ADGRL2: variants seen among roughly 807,000 people sequenced by gnomAD.
ADGRL2 encodes calcium-independent alpha-latrotoxin receptor 2.
In ADGRL2, 44 loss-of-function variants were observed where a neutral mutation model predicts 157.4. The observed-to-expected ratio is 0.28, with a 90% CI of 0.22 to 0.36. ADGRL2 has a LOEUF of 0.36. ADGRL2 is among the 10% of genes least tolerant of loss of function. ADGRL2 has a pLI of 1.00. For synonymous variants in ADGRL2, 585 were observed against 624.7 expected (o/e 0.94, Z 0.95); for missense variants, 1,510 against 1,768.9 (o/e 0.85, Z 2.63).
rs922381116 is a variant in ADGRL2, at chr1:81,747,265, A to G, written c.-142-14546A>G. The stretch of plus-strand genomic sequence containing the variant: ...TATGTATATGTGTGTATATATGTAT[A>G]TGTGTATATATACATGTGCATACAT... On this transcript the variant is annotated intron_variant, in intron 1 of 20. Coordinates refer to the ADGRL2 transcript ENST00000359929. Among the ~76,000 whole-genome samples, 6 of 148,510 alleles carry G rather than the reference A, an allele frequency of 4.0e-5. No homozygotes were observed. The East Asian group carries it at 9.9e-4, about 25-fold the overall frequency.
chr1:81,677,111 A>G (rs1005828565), intron 3 of ADGRL2, among the ~76,000 whole-genome samples: 1 of 151,536 alleles, frequency 6.6e-6, no homozygotes, highest in Non-Finnish European at 1.5e-5. Flanking sequence ...TCGGCCTCCC[A>G]AGTAGCTGGG....
chr1:81,966,018 TC>T, intron 11 of ADGRL2, 39 bp from the exon 12 acceptor site: 4 of 1,605,658 alleles, frequency 2.5e-6, no homozygotes, highest in Non-Finnish European at 3.4e-6. Context: ...TCTTAAAGAA[TC>T]CTTTTTTCCC....
At chr1:81,608,309 T>A (rs1207887571) in intron 3 of ADGRL2, among the ~76,000 whole-genome samples, 6 of 152,146 alleles carry the variant, frequency 3.9e-5, no homozygotes, top group Non-Finnish European at 7.3e-5. Flanking sequence ...GCAGATGCTC[T>A]CCATGCATGA....
chr1:81,982,428 A>G (rs983214534), intron 19 of ADGRL2, among the ~76,000 whole-genome samples: 12 of 151,952 alleles, frequency 7.9e-5, no homozygotes, highest in Non-Finnish European at 1.2e-4. Flanking sequence ...CTAAAAATCA[A>G]TAATTAGTAC....
intron 2 of ADGRL2, among the ~76,000 whole-genome samples, chr1:81,551,205 T>C (rs999159105): frequency 6.6e-6 from 1 of 152,150 alleles, no homozygotes; most frequent in African/African-American, 2.4e-5. Flanking sequence ...TGATAGGAAA[T>C]GGGGCACACA....
chr1:81,715,029 C>T (rs1195118871), intron 1 of ADGRL2, among the ~76,000 whole-genome samples: 2 of 151,844 alleles, frequency 1.3e-5, no homozygotes, highest in Admixed American at 6.6e-5. Context: ...TTTTTCTGCT[C>T]TAATTTTTTC....
chr1:81,575,661 T>A (rs995943995), intron 2 of ADGRL2, among the ~76,000 whole-genome samples: 2 of 152,124 alleles, frequency 1.3e-5, no homozygotes, highest in African/African-American at 4.8e-5. Context: ...ACATACAGAT[T>A]TTTTTTGTTT....
intron 3 of ADGRL2, among the ~76,000 whole-genome samples, chr1:81,615,733 C>T (rs541057760): frequency 8.5e-5 from 13 of 152,164 alleles, no homozygotes; most frequent in African/African-American, 2.9e-4. Flanking sequence ...GTGATAGACA[C>T]TGCTCTGGAG....
chr1:81,858,761 T>C (rs2093291532), intron 2 of ADGRL2, among the ~76,000 whole-genome samples: 1 of 152,268 alleles, frequency 6.6e-6, no homozygotes, highest in South Asian at 2.1e-4. Context: ...ATTTGCAAAA[T>C]GTAAACATAA....
intron 1 of ADGRL2, among the ~76,000 whole-genome samples, chr1:81,835,931 T>C (rs1223542334): frequency 6.6e-6 from 1 of 152,142 alleles, no homozygotes; most frequent in East Asian, 1.9e-4. Flanking sequence ...TCCAATCAGG[T>C]TACATTATAA....
chr1:81,591,611 A>C (rs961513829), intron 3 of ADGRL2, among the ~76,000 whole-genome samples: 5 of 152,116 alleles, frequency 3.3e-5, no homozygotes, highest in Non-Finnish European at 5.9e-5. Flanking sequence ...ACTCCCTTAA[A>C]TATGGGCTGG....
At chr1:81,818,570 A>C (rs994419848) in intron 1 of ADGRL2, among the ~76,000 whole-genome samples, 4 of 152,142 alleles carry the variant, frequency 2.6e-5, no homozygotes, top group Non-Finnish European at 1.5e-5. Context: ...GATCCTACTT[A>C]TAAGCATATT....
intron 13 of ADGRL2, among the ~76,000 whole-genome samples, chr1:81,967,556 C>T (rs978371749): frequency 2.0e-5 from 3 of 152,062 alleles, no homozygotes; most frequent in African/African-American, 2.4e-5. Context: ...CCACCGCGCC[C>T]GGCCTATTTG....
chr1:81,962,421 A>G (rs933455135), intron 11 of ADGRL2, among the ~76,000 whole-genome samples: 2 of 152,110 alleles, frequency 1.3e-5, no homozygotes, highest in African/African-American at 4.8e-5. Context: ...TAGTTTACAG[A>G]TACTTATTCT....
At chr1:81,488,466 G>A (rs12096849) in intron 2 of ADGRL2, among the ~76,000 whole-genome samples, 13 of 151,614 alleles carry the variant, frequency 8.6e-5, no homozygotes, top group South Asian at 8.3e-4. Context: ...TTGAGAGACC[G>A]AGGCATGCAA....
chr1:81,871,342 C>A (rs150157161), intron 2 of ADGRL2, among the ~76,000 whole-genome samples: 2,390 of 152,122 alleles, frequency 0.016, 47 homozygotes, highest in African/African-American at 0.048. Context: ...CATTGATGGA[C>A]ATTTGGGTTG....
chr1:81,445,595 A>G (rs2101703915), intron 2 of ADGRL2, among the ~76,000 whole-genome samples: 1 of 152,316 alleles, frequency 6.6e-6, no homozygotes, highest in Non-Finnish European at 1.5e-5. Flanking sequence ...GTTTCTCTGA[A>G]TCATGATCAT....
chr1:81,817,918 G>A (rs571846584), intron 1 of ADGRL2, among the ~76,000 whole-genome samples: 14 of 152,026 alleles, frequency 9.2e-5, no homozygotes, highest in African/African-American at 2.9e-4. Context: ...TAATCCCAGC[G>A]CCATAGAGGA....
chr1:81,382,790 T>C (rs1227052571), intron 1 of ADGRL2, among the ~76,000 whole-genome samples: 1 of 152,180 alleles, frequency 6.6e-6, no homozygotes, highest in Non-Finnish European at 1.5e-5. Flanking sequence ...ATAGAAAATA[T>C]GGAAGATTTT....
Sources: allele counts gnomAD v4.1 joint callset (sites outside exome capture counted in the v4.1 genomes callset), GRCh38; gene constraint gnomAD v4.1.1; transcripts MANE v1.5; gene names NCBI Gene and HGNC (gene_info 2026-07-23, HGNC 2026-07-21).